Variants in SBNO2 observed in about 807,000 individuals in gnomAD.
SBNO2 encodes the protein strawberry notch homolog 2, also known as protein strawberry notch homolog 2.
In SBNO2, 89 loss-of-function variants were observed where a neutral mutation model predicts 146.3. That is an observed-to-expected ratio of 0.61 (90% CI 0.51 to 0.73). The LOEUF (loss-of-function observed/expected upper bound fraction) is 0.73, where lower values mean the gene tolerates loss of function less well. SBNO2 is among the 30% of genes least tolerant of loss of function. The pLI is 0.00. For missense variants in SBNO2, 2,092 were observed against 2,003.7 expected, an observed-to-expected ratio of 1.04 and a Z score of -0.84; for synonymous variants, 1,147 against 892.6, an observed-to-expected ratio of 1.29 and a Z score of -5.08.
chr19:1,109,002 G>A lies in SBNO2; in HGVS notation c.3426-33C>T, dbSNP rs2079715557. On this transcript the variant is annotated intron_variant, in intron 30 of 31. Coordinates refer to ENST00000361757, the MANE Select transcript of SBNO2 (RefSeq NM_014963.3). The surrounding 1 kb of genome is among the most constrained non-coding windows in gnomAD (Gnocchi z 4.2). The stretch of plus-strand genomic sequence containing the variant: ...CGAGACGGGTCGTCTCGGCTCAGGC[G>A]GGTCCCAGGGGCCCGCAGGCTCCCC... The A allele has an allele frequency of 3.4e-6, 5 of 1,489,952 alleles. No homozygotes were observed. Among genetic ancestry groups the A allele is most frequent in the Non-Finnish European group, 1.8e-6 (2 of 1,123,398 alleles). 92.3% of individuals were successfully genotyped at this position (1,489,952 alleles called of 1,614,324 possible). A position where few individuals can be genotyped will look rare whatever the true frequency, so the allele number is the denominator to read the frequency against.
chr19:1,113,390 G>A (rs2079790957), intron 19 of SBNO2, 145 bp downstream of exon 19: 1 of 746,326 alleles, frequency 1.3e-6, no homozygotes, highest in Non-Finnish European at 2.1e-6. Context: ...TGCTGCCCCA[G>A]GGCTCCCCAA....
chr19:1,155,838 C>T (rs1265434356), intron 1 of SBNO2, among the ~76,000 whole-genome samples: 1 of 152,204 alleles, frequency 6.6e-6, no homozygotes, highest in Non-Finnish European at 1.5e-5. Flanking sequence ...GTGGCCCACC[C>T]CCTGCCTTGG....
At chr19:1,115,839 C>A in intron 17 of SBNO2, 182 bp downstream of exon 17, 1 of 636,898 alleles carries the variant, frequency 1.6e-6, no homozygotes. Flanking sequence ...CTAAGCGTTC[C>A]ATGGCAGGGT....
At chr19:1,117,580 C>G in intron 14 of SBNO2, 81 bp from the exon 15 acceptor site, 1 of 1,414,696 alleles carries the variant, frequency 7.1e-7, no homozygotes, top group East Asian at 2.5e-5. Context: ...GCCGCCAGCC[C>G]TGGGCAAGGC....
Position 1,147,442 on chromosome 19 carries a change from G to A in SBNO2, c.168-22C>T, listed in dbSNP as rs754405803. 16 of 1,125,834 alleles carry A rather than the reference G, an allele frequency of 1.4e-5. 1 individual carries two copies. The highest frequency in any genetic ancestry group is 1.9e-5 in the Non-Finnish European group (15 of 796,962). 69.7% of individuals were successfully genotyped at this position (1,125,834 alleles called of 1,614,324 possible). A position where few individuals can be genotyped will look rare whatever the true frequency, so the allele number is the denominator to read the frequency against. ...CGGGCTGGAGGGAGATGGGGGGGGG[G>A]GAGGTGAGATGGGGTGCTCAACCCA... On this transcript the variant is annotated intron_variant, in intron 3 of 31. Coordinates refer to ENST00000361757, the MANE Select transcript of SBNO2 (RefSeq NM_014963.3).
intron 14 of SBNO2, 51 bp downstream of exon 14, chr19:1,118,960 A>G (rs535531596): frequency 2.0e-6 from 3 of 1,535,238 alleles, no homozygotes; most frequent in Admixed American, 1.9e-5. Context: ...CGGGGGAGCA[A>G]TTTCACCCGG....
chr19:1,122,538 A>C lies in SBNO2; in HGVS notation c.935T>G (p.Leu312Arg). ...CAGGTCGCGCTCCGCATCGTACTTG[A>C]GGTCGTTGGAGACGCTGAACCTGCG... is the stretch of plus-strand genomic sequence containing the variant. ...KALWFSVSND[L>R]KYDAERDLRD... Residue 312 changes from leucine to arginine, a missense_variant, in exon 10 of 32, where the codon CTC (leucine) becomes CGC (arginine). Physicochemically the swap from Leu to Arg is moderately radical, Grantham distance 102. Transcript: ENST00000361757. The C allele has an allele frequency of 6.4e-7, 1 of 1,552,126 alleles. No homozygotes were observed. Among genetic ancestry groups the C allele is most frequent in the South Asian group, 1.2e-5 (1 of 84,726 alleles).
At position 1,158,934 on chromosome 19, in the gene SBNO2, C is replaced by CGCGACCCCACCTGCAGCT. The variant is rs2080317724; in HGVS notation, c.-126-4533_-126-4532insAGCTGCAGGTGGGGTCGC. ...CTGCAGCCGTGACCCCACCTGCAGC[C>CGCGACCCCACCTGCAGCT]GCGACCCCACCTGCAGCCGTGACCC... On this transcript the variant is annotated intron_variant, in intron 1 of 31. Coordinates refer to ENST00000361757, the MANE Select transcript of SBNO2 (RefSeq NM_014963.3). The surrounding 1 kb of genome is among the most constrained non-coding windows in gnomAD (Gnocchi z 9.9). Among the ~76,000 whole-genome samples the CGCGACCCCACCTGCAGCT allele has an allele frequency of 6.7e-6, 1 of 150,186 alleles. No homozygotes were observed. The highest frequency in any genetic ancestry group is 2.5e-5 in the African/African-American group (1 of 40,644).
intron 4 of SBNO2, among the ~76,000 whole-genome samples, chr19:1,147,024 G>A (rs556786556): frequency 2.8e-4 from 43 of 152,120 alleles, no homozygotes; most frequent in Non-Finnish European, 5.7e-4. Context: ...TCCCAGCACC[G>A]CCCTCCCCGC....
At chr19:1,142,998 T>C (rs1424891923) in intron 4 of SBNO2, among the ~76,000 whole-genome samples, 3 of 152,142 alleles carry the variant, frequency 2.0e-5, no homozygotes, top group Non-Finnish European at 2.9e-5. Context: ...TGTCTCGTTA[T>C]GGCCTGTGGG....
chr19:1,113,735 C>G (rs1339001655), intron 18 of SBNO2, 31 bp from the exon 19 acceptor site: 1 of 1,459,438 alleles, frequency 6.9e-7, no homozygotes, highest in Non-Finnish European at 9.0e-7. Flanking sequence ...CAGGGCAGGA[C>G]ATGTTGGCTG....
rs764764130 is a variant in SBNO2 at position 1,119,587 on chromosome 19, G to A, written c.1302C>T (p.Ser434=). 5 of 1,611,204 alleles carry A rather than the reference G, an allele frequency of 3.1e-6. No individual in the cohort carries two copies. Among genetic ancestry groups the A allele is most frequent in the South Asian group, 2.2e-5 (2 of 90,616 alleles). ...TGCCCTCGCCCCAGATACCCAAGCGGCTCATGTAGATCATGTTCCGAGGCT... is the reference window on the plus strand; with the variant it reads ...TGCCCTCGCCCCAGATACCCAAGCGACTCATGTAGATCATGTTCCGAGGCT... ...ASEPRNMIYM[S]RLGIWGEGTP... The change falls in exon 13 of 32, where the codon AGC becomes AGT. Residue 434 remains serine, a synonymous_variant. Coordinates refer to ENST00000361757, the MANE Select transcript of SBNO2 (RefSeq NM_014963.3).
chr19:1,132,065 G>T (rs756035169), intron 4 of SBNO2: 1 of 1,507,190 alleles, frequency 6.6e-7, no homozygotes, highest in South Asian at 1.2e-5. Flanking sequence ...CGAGGGCCTC[G>T]CCCGCCCCGG....
intron 19 of SBNO2, among the ~76,000 whole-genome samples, chr19:1,113,253 G>C (rs574307696): frequency 6.6e-6 from 1 of 152,148 alleles, no homozygotes; most frequent in Non-Finnish European, 1.5e-5. Context: ...GCACCCCAAG[G>C]GGTGCGTTCA....
Position 1,112,777 on chromosome 19 carries a change from T to C in SBNO2, c.2379+41A>G. On this transcript the variant is annotated intron_variant, in intron 20 of 31. Transcript: ENST00000361757. This position sits in a 1 kb window ranked among gnomAD's most constrained non-coding sequence, Gnocchi z 5.9. ...GACCCTTGGGCCCCTCTGTGCCTCTTGGGTCCCGTGGGCCGCGCCCAGTGC... is the reference window on the plus strand; with the variant it reads ...GACCCTTGGGCCCCTCTGTGCCTCTCGGGTCCCGTGGGCCGCGCCCAGTGC... 6.5e-7 allele frequency: 1 copy of C among 1,529,792 alleles called. No homozygotes were observed. The highest frequency in any genetic ancestry group is 8.8e-7 in the Non-Finnish European group (1 of 1,136,652). The allele number at this position is 1,529,792 out of a possible 1,614,324, so 94.8% of individuals were successfully genotyped here.
chr19:1,154,763 G>A (rs984479483), intron 1 of SBNO2, among the ~76,000 whole-genome samples: 9 of 152,186 alleles, frequency 5.9e-5, no homozygotes, highest in Admixed American at 1.3e-4. Context: ...GTCAGCAGCC[G>A]GTGTGAGACT....
intron 4 of SBNO2, among the ~76,000 whole-genome samples, chr19:1,146,086 G>A (rs761747402): frequency 7.2e-5 from 11 of 152,162 alleles, no homozygotes; most frequent in African/African-American, 2.4e-4. Flanking sequence ...GGCCTCCAGC[G>A]TGGCGCCAGC....
At chr19:1,155,116 T>C (rs2080278346) in intron 1 of SBNO2, 1 of 152,108 alleles carries the variant, frequency 6.6e-6, no homozygotes, top group Admixed American at 6.5e-5. Context: ...GGCTGGCCCG[T>C]GGTGGCAGGG....
intron 1 of SBNO2, among the ~76,000 whole-genome samples, chr19:1,172,957 A>G (rs939458381): frequency 9.3e-5 from 14 of 150,952 alleles, no homozygotes; most frequent in Non-Finnish European, 1.6e-4. Context: ...GGGAAGAAGC[A>G]GCCAGGGGAG....
Sources: gnomAD v4.1 joint callset for allele counts (sites outside exome capture counted in the v4.1 genomes callset) on GRCh38, gnomAD v4.1.1 for gene constraint, Gnocchi (gnomAD v3.1) non-coding constraint, MANE v1.5 for transcripts, NCBI Gene and HGNC (gene_info 2026-07-23, HGNC 2026-07-21) for gene names.